The following DIAPH2 variants were observed in gnomAD, a reference collection of about 807,000 sequenced individuals.
DIAPH2 encodes the protein protein diaphanous homolog 2.
Under a neutral mutation model 92.7 loss-of-function variants are expected in DIAPH2, and 35 were observed. That is an observed-to-expected ratio of 0.38 (90% CI 0.29 to 0.50). DIAPH2 has a LOEUF of 0.50. Ranked by LOEUF, DIAPH2 falls within the 20% of genes least tolerant of loss-of-function variation. The pLI is 0.94. For missense variants in DIAPH2, 701 were observed against 819.5 expected (o/e 0.86, Z 1.77); for synonymous variants, 301 against 280.4 (o/e 1.07, Z -0.73).
chrX:97,536,348 A>G (rs1431934271), intron 26 of DIAPH2, among the ~76,000 whole-genome samples: 1 of 111,908 alleles, frequency 8.9e-6, no homozygotes, highest in African/African-American at 3.2e-5. Flanking sequence ...AAGCCACACT[A>G]GTACTTCTGG....
chrX:97,368,899 CTTTTTT>C (rs386417287), intron 24 of DIAPH2, among the ~76,000 whole-genome samples: 3 of 52,058 alleles, frequency 5.8e-5, no homozygotes, highest in African/African-American at 1.5e-4. Context: ...TCTACCCTTT[CTTTTTT>C]TTTTTTTTTT....
intron 17 of DIAPH2, among the ~76,000 whole-genome samples, chrX:97,002,717 A>G (rs2066152839): frequency 8.9e-6 from 1 of 111,866 alleles, no homozygotes; most frequent in Admixed American, 9.5e-5. Flanking sequence ...TGATACAGGC[A>G]TACCATGTGT....
chrX:97,130,227 C>T (rs745575067), intron 21 of DIAPH2, among the ~76,000 whole-genome samples: 155 of 111,945 alleles, frequency 1.4e-3, no homozygotes, highest in African/African-American at 4.6e-3. Flanking sequence ...AATGGAATTA[C>T]CATATGATCC....
intron 24 of DIAPH2, among the ~76,000 whole-genome samples, chrX:97,374,740 A>G: frequency 8.9e-6 from 1 of 112,063 alleles, no homozygotes; most frequent in Middle Eastern, 4.6e-3. Context: ...GGAATATCTA[A>G]TGTTGTTGGG....
At chrX:97,285,579 A>T (rs2068535539) in intron 23 of DIAPH2, among the ~76,000 whole-genome samples, 1 of 110,379 alleles carries the variant, frequency 9.1e-6, no homozygotes, top group Non-Finnish European at 1.9e-5. Context: ...ACTAGGATCA[A>T]TACACAATTG....
At chrX:97,555,477 T>C (rs2071250833) in intron 26 of DIAPH2, 2 of 731,073 alleles carry the variant, frequency 2.7e-6, no homozygotes, top group Admixed American at 8.9e-5. Flanking sequence ...AAGGTGAGAG[T>C]TGAAATATTT....
chrX:96,767,382 G>T (rs2064310496), intron 4 of DIAPH2, among the ~76,000 whole-genome samples: 1 of 110,794 alleles, frequency 9.0e-6, no homozygotes, highest in Non-Finnish European at 1.9e-5. Flanking sequence ...TCACATACTA[G>T]CTGTGTGACC....
intron 26 of DIAPH2, among the ~76,000 whole-genome samples, chrX:97,597,743 A>G (rs1220982053): frequency 8.9e-6 from 1 of 111,984 alleles, no homozygotes; most frequent in African/African-American, 3.2e-5. Flanking sequence ...TAAGTCCTTT[A>G]TTCGGGAATG....
At chrX:96,933,885 G>T (rs1276937924) in intron 10 of DIAPH2, among the ~76,000 whole-genome samples, 1 of 107,326 alleles carries the variant, frequency 9.3e-6, no homozygotes, top group Non-Finnish European at 1.9e-5. Context: ...CAAACTGCTG[G>T]AATTACAGGT....
intron 26 of DIAPH2, among the ~76,000 whole-genome samples, chrX:97,518,500 G>A (rs2070966725): frequency 9.1e-6 from 1 of 109,968 alleles, no homozygotes; most frequent in Non-Finnish European, 1.9e-5. Context: ...ATGTATGTAT[G>A]TGTGTGTATG....
chrX:97,230,200 A>G (rs765654462), intron 22 of DIAPH2, among the ~76,000 whole-genome samples: 24 of 111,863 alleles, frequency 2.1e-4, no homozygotes, highest in Admixed American at 1.8e-3. Context: ...TCAAATATTG[A>G]TAAGAAATCT....
intron 17 of DIAPH2, among the ~76,000 whole-genome samples, chrX:96,974,367 G>A (rs1202353310): frequency 9.0e-6 from 1 of 111,613 alleles, no homozygotes. Flanking sequence ...GGGAATATAT[G>A]GATAGGTGAT....
At chrX:97,565,943 T>C (rs1321021827) in intron 26 of DIAPH2, among the ~76,000 whole-genome samples, 1 of 112,351 alleles carries the variant, frequency 8.9e-6, no homozygotes, top group Non-Finnish European at 1.9e-5. Context: ...AGGTATTTAC[T>C]GCAGGGAAAT....
At chrX:96,959,773 A>G (rs561237039) in intron 16 of DIAPH2, among the ~76,000 whole-genome samples, 114 of 111,344 alleles carry the variant, frequency 1.0e-3, no homozygotes, top group African/African-American at 3.5e-3. Flanking sequence ...GTCTTTAATC[A>G]ATGTTGAGTC....
At chrX:96,719,143 A>G (rs1214830409) in intron 1 of DIAPH2, among the ~76,000 whole-genome samples, 1 of 111,798 alleles carries the variant, frequency 8.9e-6, no homozygotes, top group Non-Finnish European at 1.9e-5. Context: ...TTTTTTCTCT[A>G]TATAGAGTTG....
At chrX:97,543,124 C>A (rs887110897) in intron 26 of DIAPH2, among the ~76,000 whole-genome samples, 1 of 112,520 alleles carries the variant, frequency 8.9e-6, no homozygotes, top group Non-Finnish European at 1.9e-5. Context: ...AAAACTGCAG[C>A]CCATTGGTCC....
intron 4 of DIAPH2, among the ~76,000 whole-genome samples, chrX:96,771,923 A>G (rs1054086405): frequency 4.5e-5 from 5 of 110,348 alleles, no homozygotes; most frequent in Admixed American, 3.9e-4. Context: ...CTGTAGTCCA[A>G]TCTCCTAGGG....
chrX:97,346,412 TC>T (rs1192045402), intron 23 of DIAPH2, among the ~76,000 whole-genome samples: 1 of 102,206 alleles, frequency 9.8e-6, no homozygotes, highest in African/African-American at 3.6e-5. Flanking sequence ...CTCTTCTCCC[TC>T]CCCCCTTCCC....
At chrX:97,579,842 C>G (rs759906000) in intron 26 of DIAPH2, among the ~76,000 whole-genome samples, 1 of 109,481 alleles carries the variant, frequency 9.1e-6, no homozygotes, top group Non-Finnish European at 1.9e-5. Context: ...CTTTTATTTC[C>G]TTGAGCAGCG....
Sources: allele counts gnomAD v4.1 joint callset (sites outside exome capture counted in the v4.1 genomes callset), GRCh38; gene constraint gnomAD v4.1.1; transcripts MANE v1.5; gene names NCBI Gene and HGNC (gene_info 2026-07-23, HGNC 2026-07-21).